DNAJC13: variants seen among roughly 807,000 people sequenced by gnomAD.
DNAJC13 encodes dnaJ homolog subfamily C member 13.
Under a neutral mutation model 290.5 loss-of-function variants are expected in DNAJC13, and 75 were observed. The observed-to-expected ratio is 0.26, with a 90% CI of 0.21 to 0.31. The LOEUF is 0.31. Among genes scored for constraint, DNAJC13 ranks in the 10% least tolerant of loss-of-function variants. DNAJC13 has a pLI of 1.00. For synonymous variants in DNAJC13, 862 were observed against 892.0 expected (o/e 0.97, Z 0.60); for missense variants, 2,260 against 2,674.5 (o/e 0.85, Z 3.42).
At chr3:132,534,268 G>A (rs1261932328) in intron 55 of DNAJC13, among the ~76,000 whole-genome samples, 1 of 152,176 alleles carries the variant, frequency 6.6e-6, no homozygotes, top group Admixed American at 6.5e-5. Context: ...CCCCAGAATT[G>A]TGAAATTCTG....
chr3:132,459,845 C>T (rs886271432), intron 13 of DNAJC13, among the ~76,000 whole-genome samples: 11 of 152,162 alleles, frequency 7.2e-5, no homozygotes, highest in African/African-American at 2.4e-4. Flanking sequence ...TACTCCTAAC[C>T]ATCACGCTGG....
At chr3:132,508,138 G>C (rs1387286068) in intron 43 of DNAJC13, among the ~76,000 whole-genome samples, 1 of 152,188 alleles carries the variant, frequency 6.6e-6, no homozygotes. Context: ...CTAATTGAGA[G>C]CAAGGCTGTA....
At chr3:132,489,488 T>TAA (rs57953440) in intron 31 of DNAJC13, among the ~76,000 whole-genome samples, 2 of 145,496 alleles carry the variant, frequency 1.4e-5, no homozygotes. Context: ...AGCTGGGAAT[T>TAA]AAAAAAAAAA....
chr3:132,515,014 C>T (rs1430699525), intron 46 of DNAJC13, among the ~76,000 whole-genome samples: 1 of 152,118 alleles, frequency 6.6e-6, no homozygotes, highest in Admixed American at 6.5e-5. Context: ...GCTTAAGATA[C>T]AGATGGCCTT....
At chr3:132,439,084 A>G (rs1054185677) in intron 2 of DNAJC13, among the ~76,000 whole-genome samples, 2 of 152,182 alleles carry the variant, frequency 1.3e-5, no homozygotes, top group African/African-American at 2.4e-5. Context: ...TTTATAAGTA[A>G]AATCTACCTG....
intron 1 of DNAJC13, among the ~76,000 whole-genome samples, chr3:132,418,482 A>G (rs895215318): frequency 6.6e-6 from 1 of 152,166 alleles, no homozygotes; most frequent in African/African-American, 2.4e-5. Context: ...GTGTTCCGTT[A>G]ACCACGTTTG....
At chr3:132,429,021 C>T (rs1286733787) in intron 1 of DNAJC13, among the ~76,000 whole-genome samples, 6 of 152,134 alleles carry the variant, frequency 3.9e-5, no homozygotes, top group East Asian at 3.8e-4. Context: ...GCGTGAGCTA[C>T]GGCGCCCAGC....
At chr3:132,521,575 C>T (rs1286910642) in intron 48 of DNAJC13, among the ~76,000 whole-genome samples, 1 of 152,142 alleles carries the variant, frequency 6.6e-6, no homozygotes, top group South Asian at 2.1e-4. Context: ...TTAGGTGCTT[C>T]TTTGACATGT....
In DNAJC13 at chr3:132,503,342, C is replaced by T. The variant is rs1165092809; in HGVS notation, c.4845C>T (p.Pro1615=). 1.2e-6 allele frequency: 2 copies of T among 1,614,084 alleles called. No individual in the cohort carries two copies. The highest frequency in any genetic ancestry group is 1.1e-5 in the South Asian group (1 of 91,084). Residue 1615 remains proline, a synonymous_variant, in exon 41 of 56, where the codon CCC becomes CCT. Coordinates refer to ENST00000260818, the MANE Select transcript of DNAJC13 (RefSeq NM_015268.4). Reference sequence around the variant, plus strand: ...AAAGCTTAGCTGGCATGCTGACACCCTATGTTGCTAGAAAACTTGCTGTGG... The same window carrying T: ...AAAGCTTAGCTGGCATGCTGACACCTTATGTTGCTAGAAAACTTGCTGTGG... ...IRKSLAGMLT[P]YVARKLAVAS...
chr3:132,518,943 C>T (rs1173831378), intron 48 of DNAJC13, among the ~76,000 whole-genome samples: 1 of 152,174 alleles, frequency 6.6e-6, no homozygotes, highest in Non-Finnish European at 1.5e-5. Context: ...TGGAATCATA[C>T]TATGTATGGT....
chr3:132,467,151 T>A lies in DNAJC13; in HGVS notation c.2065-19T>A. 6.2e-7 allele frequency: 1 copy of A among 1,605,834 alleles called. No homozygotes were observed. The highest frequency in any genetic ancestry group is 8.5e-7 in the Non-Finnish European group (1 of 1,177,292). On this transcript the variant is annotated intron_variant, in intron 19 of 55. Coordinates refer to ENST00000260818, the MANE Select transcript of DNAJC13 (RefSeq NM_015268.4). ...AATTTGCAAACAGGCATGTAATGGATTCCAACATTATTTTACAGGATCAGT... is the reference window on the plus strand; with the variant it reads ...AATTTGCAAACAGGCATGTAATGGAATCCAACATTATTTTACAGGATCAGT...
intron 25 of DNAJC13, 73 bp downstream of exon 25, chr3:132,479,362 G>C (rs1253208451): frequency 1.9e-6 from 2 of 1,062,294 alleles, no homozygotes; most frequent in East Asian, 4.8e-5. Flanking sequence ...CACAGTTTGA[G>C]TTGATTATCC....
Position 132,528,767 on chromosome 3 carries a change from T to G in DNAJC13, c.6525+435T>G, listed in dbSNP as rs1576524161. Among the ~76,000 whole-genome samples the G allele has an allele frequency of 1.3e-4, 4 of 30,220 alleles. No individual in the cohort carries two copies. The African/African-American group carries it at 1.6e-3, about 12-fold the overall frequency. 19.8% of individuals were successfully genotyped at this position (30,220 alleles called of 152,430 possible). On this transcript the variant is annotated intron_variant, in intron 54 of 55. Transcript: ENST00000260818. ...CTTGCTGGTGCTTAAAAAGTGTTGGTTTTTTTTTTTCTTTGGTCGTGACTT... is the reference window on the plus strand; with the variant it reads ...CTTGCTGGTGCTTAAAAAGTGTTGGGTTTTTTTTTTCTTTGGTCGTGACTT...
In DNAJC13 at chr3:132,531,079, A is replaced by G. The variant is rs1936400923; in HGVS notation, c.6607A>G (p.Thr2203Ala). 3 of 1,613,942 alleles carry G rather than the reference A, an allele frequency of 1.9e-6. No individual in the cohort carries two copies. In the Admixed American group the frequency reaches 5.0e-5, roughly 27 times the overall value. ...KHDLFISESQ[T>A]AGYLTGPGVA... is the part of the protein sequence containing the mutation. ...TGATTTGTTCATTTCTGAGTCACAA[A>G]CAGCAGGATACCTCACAGGTAAGCC... The change falls in exon 55 of 56, where the codon ACA becomes GCA. Residue 2203 changes from threonine (T) to alanine (A), a missense_variant. By Grantham distance (58) the Thr-to-Ala change is moderately conservative. This residue lies in a region of DNAJC13 where 1,494 missense variants were observed against 1,693.7 expected (regional missense o/e 0.88). Coordinates refer to ENST00000260818, the MANE Select transcript of DNAJC13 (RefSeq NM_015268.4).
Position 132,454,114 on chromosome 3 carries a change from G to C in DNAJC13, c.889G>C (p.Glu297Gln), listed in dbSNP as rs770229103. ...AGAAAATCCACAACTTTTTACCATTGAATTTATAAAAGGGCAAGTACGGAA... is the reference window on the plus strand; with the variant it reads ...AGAAAATCCACAACTTTTTACCATTCAATTTATAAAAGGGCAAGTACGGAA... ...DSENPQLFTI[E>Q]FIKGQVRKYS... Residue 297 changes from glutamate to glutamine, a missense_variant, in exon 9 of 56, where the codon GAA becomes CAA. Physicochemically the swap from Glu to Gln is conservative, Grantham distance 29. Coordinates refer to ENST00000260818, the MANE Select transcript of DNAJC13 (RefSeq NM_015268.4). 1.2e-6 allele frequency: 2 copies of C among 1,606,522 alleles called. No homozygotes were observed. Among genetic ancestry groups the C allele is most frequent in the African/African-American group, 2.7e-5 (2 of 74,068 alleles).
intron 1 of DNAJC13, 35 bp from the exon 2 acceptor site, chr3:132,434,503 C>T: frequency 1.4e-6 from 2 of 1,448,232 alleles, no homozygotes; most frequent in Non-Finnish European, 1.9e-6. Context: ...AGATATATAA[C>T]ATGTACTAAG....
At position 132,499,837 on chromosome 3, in the gene DNAJC13, A is replaced by G. The variant is rs745979667; in HGVS notation, c.4416+29A>G. ...AGGCTAAAACCTGTGGTTCCAAGAA[A>G]ATTGCACTAGTTCAATGGTTCAGAC... On this transcript the variant is annotated intron_variant, in intron 38 of 55. Transcript: ENST00000260818. 5 of 1,591,004 alleles carry G rather than the reference A, an allele frequency of 3.1e-6. No homozygotes were observed. In the South Asian group the frequency reaches 5.6e-5, roughly 18 times the overall value.
At chr3:132,440,922 T>TA (rs1933043758) in intron 2 of DNAJC13, among the ~76,000 whole-genome samples, 1 of 152,228 alleles carries the variant, frequency 6.6e-6, no homozygotes, top group South Asian at 2.1e-4. Context: ...GCTTAACCAT[T>TA]AAGCTGTAGT....
In DNAJC13 at chr3:132,525,747, T is replaced by C. The variant is rs866052865; in HGVS notation, c.6198T>C (p.Pro2066=). The C allele has an allele frequency of 1.9e-6, 3 of 1,614,192 alleles. No individual in the cohort carries two copies. The Middle Eastern group carries it at 4.9e-4, about 266-fold the overall frequency. The part of the protein sequence containing the change: ...QAMNHRNNAI[P]KSAIRVIHAL... Reference sequence around the variant, plus strand: ...TGAATCATAGGAACAATGCCATTCCTAAGAGTGCCATTCGGGTTATCCATG... The same window carrying C: ...TGAATCATAGGAACAATGCCATTCCCAAGAGTGCCATTCGGGTTATCCATG... The change falls in exon 52 of 56, where the codon CCT becomes CCC. Residue 2066 remains proline, a synonymous_variant. Transcript: ENST00000260818.
Sources: allele counts gnomAD v4.1 joint callset (sites outside exome capture counted in the v4.1 genomes callset), GRCh38; gene constraint gnomAD v4.1.1; regional missense constraint gnomAD v4.1.1; transcripts MANE v1.5; gene names NCBI Gene and HGNC (gene_info 2026-07-23, HGNC 2026-07-21).